The following FAT3 variants were observed in gnomAD, a reference collection of about 807,000 sequenced individuals.
The protein encoded by FAT3 is FAT atypical cadherin 3.
A neutral mutation model predicts 310.2 loss-of-function variants in FAT3; 95 were observed. The ratio of observed to expected loss-of-function variants is 0.31; its 90% CI spans 0.26 to 0.36. FAT3 has a LOEUF of 0.36. Ranked by LOEUF, FAT3 falls within the 10% of genes least tolerant of loss-of-function variation. FAT3 has a pLI of 1.00. For missense variants in FAT3, 5,408 were observed against 5,715.6 expected, an observed-to-expected ratio of 0.95 and a Z score of 1.74; for synonymous variants, 2,314 against 2,192.9, an observed-to-expected ratio of 1.06 and a Z score of -1.54.
At chr11:92,248,208 T>G (rs1030855832) in intron 1 of FAT3, among the ~76,000 whole-genome samples, 2 of 152,024 alleles carry the variant, frequency 1.3e-5, no homozygotes, top group African/African-American at 2.4e-5. Context: ...TTTAAATTCA[T>G]CTTTGAAGAC....
At position 92,326,057 on chromosome 11, in the gene FAT3, G is replaced by C. The variant is rs542709063; in HGVS notation, c.-17-26039G>C. Among the ~76,000 whole-genome samples the C allele has an allele frequency of 2.6e-5, 4 of 152,150 alleles. No homozygotes were observed. In the East Asian group the frequency reaches 7.7e-4, roughly 29 times the overall value. On this transcript the variant is annotated intron_variant, in intron 1 of 27. Coordinates refer to ENST00000525166, the MANE Select transcript of FAT3 (RefSeq NM_001367949.2). ...AGTTTAAAACACACAGTAATTCTTG[G>C]GTAGGCAACATAATATTGCAGACAA...
chr11:92,869,327 C>T (rs1314809562), intron 22 of FAT3, among the ~76,000 whole-genome samples: 1 of 152,214 alleles, frequency 6.6e-6, no homozygotes, highest in Admixed American at 6.5e-5. Flanking sequence ...GACACCCGGA[C>T]GTGTCCCAGG....
In FAT3 at chr11:92,844,170, C is replaced by G. The variant is rs571074322; in HGVS notation, c.10803C>G (p.His3601Gln). ...EQKSLFKVNS[H>Q]DGKIIALGGL... ...AAAGCTTATTTAAAGTGAACAGTCA[C>G]GATGGGAAAATCATCGCCCTGGGAG... The change falls in exon 19 of 28, where the codon CAC becomes CAG. Residue 3601 changes from histidine to glutamine, a missense_variant. By Grantham distance (24) the His-to-Gln change is conservative. This residue lies in a region of FAT3 where 4,588 missense variants were observed against 4,809.8 expected (regional missense o/e 0.95). Transcript: ENST00000525166. 6.2e-7 allele frequency: 1 copy of G among 1,613,996 alleles called. No homozygotes were observed. The highest frequency in any genetic ancestry group is 2.2e-5 in the East Asian group (1 of 44,882).
In FAT3 at chr11:92,354,013, A is replaced by T; in HGVS notation, c.1901A>T (p.Gln634Leu). 1 of 1,613,208 alleles carries T rather than the reference A, an allele frequency of 6.2e-7. No homozygotes were observed. Among genetic ancestry groups the T allele is most frequent in the Non-Finnish European group, 8.5e-7 (1 of 1,179,556 alleles). ...TTAAACCCAGATTCTGGTGTTTTAC[A>T]GCTTAAAAAATCACTGACAAATTCT... ...FYLNPDSGVL[Q>L]LKKSLTNSGI... The change falls in exon 2 of 28, where the codon CAG (glutamine) becomes CTG (leucine). Residue 634 changes from glutamine (Q) to leucine (L), a missense_variant. Physicochemically the swap from Gln to Leu is moderately radical, Grantham distance 113 (BLOSUM62 -2). Transcript: ENST00000525166.
chr11:92,836,578 G>A lies in FAT3; in HGVS notation c.10099G>A (p.Asp3367Asn). 4 of 1,613,424 alleles carry A rather than the reference G, an allele frequency of 2.5e-6. No individual in the cohort carries two copies. The South Asian group carries it at 4.4e-5, about 18-fold the overall frequency. Reference sequence around the variant, plus strand: ...GTTTTCCATGAAGCTAATAGCAGAAGATGTAGACAGCCAGCCCAACGGACA... The same window carrying A: ...GTTTTCCATGAAGCTAATAGCAGAAAATGTAGACAGCCAGCCCAACGGACA... ...GDSVILLIAE[D>N]VDSQPNGQIH... The change falls in exon 16 of 28, where the codon GAT becomes AAT. Residue 3367 changes from aspartate (D) to asparagine (N), a missense_variant. Coordinates refer to ENST00000525166, the MANE Select transcript of FAT3 (RefSeq NM_001367949.2).
At chr11:92,888,666 G>A (rs1377971833) in intron 25 of FAT3, among the ~76,000 whole-genome samples, 1 of 152,154 alleles carries the variant, frequency 6.6e-6, no homozygotes, top group African/African-American at 2.4e-5. Flanking sequence ...CTTTACTGGT[G>A]GGAGCTAGGC....
In FAT3 at chr11:92,754,568, C is replaced by T. The variant is rs1945929954; in HGVS notation, c.3670-7288C>T. Among the ~76,000 whole-genome samples, 6 of 132,956 alleles carry T rather than the reference C, an allele frequency of 4.5e-5. No individual in the cohort carries two copies. The Admixed American group carries it at 5.1e-4, about 11-fold the overall frequency. The allele number at this position is 132,956 out of a possible 152,430, so 87.2% of individuals were successfully genotyped here. On this transcript the variant is annotated intron_variant, in intron 4 of 27. Transcript: ENST00000525166. ...GCGTGAACCTGGGAGGTGGAGTTTG[C>T]AGTGAGCCAAGATAGCACCATTGCA...
At chr11:92,457,504 A>G (rs1464605792) in intron 2 of FAT3, among the ~76,000 whole-genome samples, 2 of 152,202 alleles carry the variant, frequency 1.3e-5, no homozygotes, top group Non-Finnish European at 2.9e-5. Context: ...AGTGGGGAAG[A>G]AAAACAAACC....
At chr11:92,667,511 C>T (rs780615030) in intron 3 of FAT3, among the ~76,000 whole-genome samples, 2 of 152,166 alleles carry the variant, frequency 1.3e-5, no homozygotes, top group African/African-American at 2.4e-5. Context: ...GGATAAAGGC[C>T]ATGCATTCTG....
At chr11:92,462,864 ACTT>A (rs563223439) in intron 2 of FAT3, among the ~76,000 whole-genome samples, 1 of 152,232 alleles carries the variant, frequency 6.6e-6, no homozygotes, top group African/African-American at 2.4e-5. Context: ...AACTTCCAGT[ACTT>A]CTTGTTCTCA....
At chr11:92,447,222 C>CATGT (rs1234683270) in intron 2 of FAT3, among the ~76,000 whole-genome samples, 2 of 146,296 alleles carry the variant, frequency 1.4e-5, no homozygotes, top group African/African-American at 2.5e-5. Context: ...TATATGTGTG[C>CATGT]GTGTGTGTGT....
At chr11:92,267,549 C>T (rs1188476441) in intron 1 of FAT3, among the ~76,000 whole-genome samples, 3 of 150,838 alleles carry the variant, frequency 2.0e-5, no homozygotes, top group Non-Finnish European at 2.9e-5. Flanking sequence ...GGGAGCAGCT[C>T]CAGGGTTTGG....
chr11:92,525,824 C>T (rs760056238), intron 3 of FAT3, among the ~76,000 whole-genome samples: 1 of 152,088 alleles, frequency 6.6e-6, no homozygotes, highest in Non-Finnish European at 1.5e-5. Flanking sequence ...ACTCAGCTCT[C>T]CTAATGAACT....
Position 92,798,612 on chromosome 11 carries a change from G to A in FAT3, c.5599G>A (p.Val1867Ile), listed in dbSNP as rs201824046. 5.9e-5 allele frequency: 95 copies of A among 1,613,636 alleles called. No individual in the cohort carries two copies. The highest frequency in any genetic ancestry group is 3.9e-4 in the African/African-American group (29 of 74,894). Reference sequence around the variant, plus strand: ...CCCCCAACTGACTGCAGAGAGTCCCGTTGAAGTCAACATTGAGGTGACAGA... The same window carrying A: ...CCCCCAACTGACTGCAGAGAGTCCCATTGAAGTCAACATTGAGGTGACAGA... The part of the protein sequence containing the change: ...GSPQLTAESP[V>I]EVNIEVTDVN... The change falls in exon 10 of 28, where the codon GTT (valine) becomes ATT (isoleucine). Residue 1867 changes from valine (V) to isoleucine (I), a missense_variant. Around this residue, in one of 5 missense-constraint regions of FAT3, gnomAD observed 4,588 missense variants for 4,809.8 expected, o/e 0.95. Coordinates refer to ENST00000525166, the MANE Select transcript of FAT3 (RefSeq NM_001367949.2).
chr11:92,593,131 G>A (rs1353538492), intron 3 of FAT3, among the ~76,000 whole-genome samples: 1 of 152,126 alleles, frequency 6.6e-6, no homozygotes, highest in African/African-American at 2.4e-5. Flanking sequence ...GTATGTGTCG[G>A]AATTTCCTTC....
intron 3 of FAT3, among the ~76,000 whole-genome samples, chr11:92,644,909 C>A (rs1326270735): frequency 6.6e-6 from 1 of 152,120 alleles, no homozygotes; most frequent in African/African-American, 2.4e-5. Flanking sequence ...AATATAAAGT[C>A]TTGGGGAAGA....
intron 2 of FAT3, among the ~76,000 whole-genome samples, chr11:92,388,035 GGCTTT>G (rs1949666958): frequency 6.6e-6 from 1 of 152,058 alleles, no homozygotes; most frequent in African/African-American, 2.4e-5. Flanking sequence ...TCCATTTTGG[GGCTTT>G]TTGCCAGGCT....
intron 19 of FAT3, among the ~76,000 whole-genome samples, chr11:92,853,337 A>C (rs1195991167): frequency 6.6e-6 from 1 of 152,220 alleles, no homozygotes; most frequent in Non-Finnish European, 1.5e-5. Context: ...TTGCATCCGG[A>C]CATGCAGAAT....
At chr11:92,561,043 T>A (rs1020829427) in intron 3 of FAT3, among the ~76,000 whole-genome samples, 1 of 152,210 alleles carries the variant, frequency 6.6e-6, no homozygotes, top group Non-Finnish European at 1.5e-5. Flanking sequence ...GACAGAATGT[T>A]TAAAAAGTGA....
Sources: allele counts gnomAD v4.1 joint callset (sites outside exome capture counted in the v4.1 genomes callset), GRCh38; gene constraint gnomAD v4.1.1; regional missense constraint gnomAD v4.1.1; transcripts MANE v1.5; gene names NCBI Gene and HGNC (gene_info 2026-07-23, HGNC 2026-07-21).